Variants in GTF2I observed in about 807,000 individuals in gnomAD.
GTF2I encodes general transcription factor IIi, also known as general transcription factor II-I.
In GTF2I, 12 loss-of-function variants were observed where a neutral mutation model predicts 67.6. That is an observed-to-expected ratio of 0.18 (90% CI 0.11 to 0.29). The LOEUF (loss-of-function observed/expected upper bound fraction) is 0.29. Among genes scored for constraint, GTF2I ranks in the 10% least tolerant of loss-of-function variants. The probability of loss-of-function intolerance (pLI) is 1.00; values close to 1 mark genes in which losing one functional copy is unlikely to be tolerated. For missense variants in GTF2I, 271 were observed against 580.1 expected, an observed-to-expected ratio of 0.47 and a Z score of 5.47; for synonymous variants, 149 against 197.0, an observed-to-expected ratio of 0.76 and a Z score of 2.04.
Position 74,691,121 on chromosome 7 carries a change from G to A in GTF2I, c.238+10G>A, listed in dbSNP as rs1554396937. 6.4e-6 allele frequency: 10 copies of A among 1,558,934 alleles called. No individual in the cohort carries two copies. Among genetic ancestry groups the A allele is most frequent in the Non-Finnish European group, 7.9e-6 (9 of 1,136,310 alleles). The stretch of plus-strand genomic sequence containing the variant: ...GATTTTGTAAAATATTGTAAGCATT[G>A]TATTTTTATCTTTTGCATTTCATTA... On this transcript the variant is annotated intron_variant, in intron 3 of 34. Coordinates refer to ENST00000573035, the MANE Select transcript of GTF2I (RefSeq NM_032999.4).
intron 7 of GTF2I, among the ~76,000 whole-genome samples, chr7:74,706,102 T>A (rs782529728): frequency 6.6e-6 from 1 of 152,018 alleles, no homozygotes; most frequent in East Asian, 1.9e-4. Context: ...GTATTTTTAG[T>A]AGAGATGAGG....
intron 9 of GTF2I, among the ~76,000 whole-genome samples, chr7:74,711,705 G>C (rs1350456989): frequency 6.6e-6 from 1 of 152,144 alleles, no homozygotes; most frequent in African/African-American, 2.4e-5. Context: ...TCATGGGCCG[G>C]GGAGCAGTGT....
intron 12 of GTF2I, among the ~76,000 whole-genome samples, chr7:74,720,457 A>G (rs1247538567): frequency 6.6e-6 from 1 of 152,176 alleles, no homozygotes; most frequent in East Asian, 1.9e-4. Context: ...TTCATGTGTT[A>G]ACTTAATATA....
chr7:74,718,884 A>T lies in GTF2I; in HGVS notation c.886A>T (p.Thr296Ser), dbSNP rs1554404077. The change falls in exon 12 of 35, where the codon ACT becomes TCT. Residue 296 changes from threonine (T) to serine (S), a missense_variant. By Grantham distance (58) the Thr-to-Ser change is moderately conservative. Around this residue, in one of 9 missense-constraint regions of GTF2I, gnomAD observed 124 missense variants for 147.0 expected, o/e 0.84. Transcript: ENST00000573035. ...AGAATTTTATTTTTTTCAAGATTCT[A>T]CTCAACATGTCCCTTCAGAAACAAG... ...TEMEVPAEDS[T>S]QHVPSETSED... 1 of 1,527,508 alleles carries T rather than the reference A, an allele frequency of 6.5e-7. No individual in the cohort carries two copies. Among genetic ancestry groups the T allele is most frequent in the Non-Finnish European group, 9.0e-7 (1 of 1,116,338 alleles). 94.6% of individuals were successfully genotyped at this position (1,527,508 alleles called of 1,614,324 possible). A position where few individuals can be genotyped will look rare whatever the true frequency, so the allele number is the denominator to read the frequency against.
At position 74,686,900 on chromosome 7, in the gene GTF2I, T is replaced by G. The variant is rs587610333; in HGVS notation, c.-5-2224T>G. ...GTTTTGTTTGTTTTGTTTTTGTTTT[T>G]TTTTTTTGAGATAGAGTCTTGCTTT... On this transcript the variant is annotated intron_variant, in intron 1 of 34. Transcript: ENST00000573035. 2.6e-5 allele frequency among the ~76,000 whole-genome samples: 4 copies of G among 152,062 alleles called. 1 individual carries two copies. The highest frequency in any genetic ancestry group is 3.9e-4 in the East Asian group (2 of 5,178).
At chr7:74,716,693 AATTTTTTT>A (rs1554403688) in intron 10 of GTF2I, 193 bp from the exon 11 acceptor site, 1 of 486,272 alleles carries the variant, frequency 2.1e-6, no homozygotes, top group Non-Finnish European at 3.7e-6. Flanking sequence ...GTTTTCAAAT[AATTTTTTT>A]AGCTTCCAAA....
chr7:74,696,386 G>A (rs998585980), intron 3 of GTF2I, among the ~76,000 whole-genome samples: 12 of 151,788 alleles, frequency 7.9e-5, no homozygotes, highest in Non-Finnish European at 1.5e-4. Context: ...GAGTGCAGTG[G>A]TGCGATCTTG....
At chr7:74,707,424 C>T (rs1223416786) in intron 8 of GTF2I, among the ~76,000 whole-genome samples, 1 of 152,182 alleles carries the variant, frequency 6.6e-6, no homozygotes, top group Non-Finnish European at 1.5e-5. Flanking sequence ...TGCCATGCTT[C>T]CTGGGCAGCC....
chr7:74,667,836 C>CTTT (rs76958371), intron 1 of GTF2I, among the ~76,000 whole-genome samples: 1 of 138,758 alleles, frequency 7.2e-6, no homozygotes, highest in African/African-American at 2.6e-5. Flanking sequence ...CCAAAAGAAA[C>CTTT]TTTTTTTTTT....
chr7:74,698,029 C>T (rs587774241), intron 3 of GTF2I, among the ~76,000 whole-genome samples: 2 of 152,322 alleles, frequency 1.3e-5, no homozygotes, highest in Admixed American at 6.5e-5. Context: ...AATTTCCGCT[C>T]GCTGCAAGCT....
chr7:74,688,289 G>T (rs184438207), intron 1 of GTF2I, among the ~76,000 whole-genome samples: 1 of 152,212 alleles, frequency 6.6e-6, no homozygotes, highest in East Asian at 1.9e-4. Flanking sequence ...ATGTTGGCCA[G>T]GCTAATCTCG....
chr7:74,749,932 T>C (rs1795698838), intron 26 of GTF2I, among the ~76,000 whole-genome samples: 1 of 146,786 alleles, frequency 6.8e-6, no homozygotes, highest in Non-Finnish European at 1.5e-5. Context: ...ATTTTCCTTA[T>C]GCTGCTGGTA....
chr7:74,722,848 A>G (rs587695271), intron 12 of GTF2I: 5 of 152,316 alleles, frequency 3.3e-5, no homozygotes, highest in Middle Eastern at 3.4e-3. Context: ...ATAGCTGCCA[A>G]TCAGACACTT....
At chr7:74,730,755 G>A (rs1443657834) in intron 14 of GTF2I, among the ~76,000 whole-genome samples, 4 of 97,872 alleles carry the variant, frequency 4.1e-5, no homozygotes, top group Non-Finnish European at 7.2e-5. Context: ...CGGAGTCTCT[G>A]CATTGCAGTA....
In GTF2I at chr7:74,698,947, TA is replaced by T. The variant is rs781886172; in HGVS notation, c.239-13del. The T allele has an allele frequency of 9.8e-6, 12 of 1,229,168 alleles. No homozygotes were observed. Among genetic ancestry groups the T allele is most frequent in the Middle Eastern group, 2.5e-4 (1 of 4,046 alleles). The allele number at this position is 1,229,168 out of a possible 1,614,324, so 76.1% of individuals were successfully genotyped here. ...ATTATTATTTTTTTATTTTATTTTT[TA>T]TTTTTTTTACAGGTGTTGAAGAAGA... On this transcript the variant is annotated splice_polypyrimidine_tract_variant and intron_variant, in intron 3 of 34. Transcript: ENST00000573035.
At chr7:74,712,197 C>T (rs926541440) in intron 9 of GTF2I, among the ~76,000 whole-genome samples, 15 of 152,150 alleles carry the variant, frequency 9.9e-5, no homozygotes, top group East Asian at 5.8e-4. Flanking sequence ...GTGATCCACC[C>T]GCCTTGGCCT....
chr7:74,694,902 G>A (rs1186266521), intron 3 of GTF2I, among the ~76,000 whole-genome samples: 3 of 152,146 alleles, frequency 2.0e-5, no homozygotes, highest in Non-Finnish European at 4.4e-5. Flanking sequence ...AAAATCCTGG[G>A]GTCCTGAAGA....
rs1488565438 is a variant in GTF2I, at chr7:74,678,882, CTGCGTCAGCCTCCT to C, written c.-5-10241_-5-10228del. Among the ~76,000 whole-genome samples the C allele has an allele frequency of 5.3e-5, 8 of 151,704 alleles. No homozygotes were observed. In the East Asian group the frequency reaches 1.4e-3, roughly 26 times the overall value. On this transcript the variant is annotated intron_variant, in intron 1 of 34. Coordinates refer to ENST00000573035, the MANE Select transcript of GTF2I (RefSeq NM_032999.4). Reference sequence around the variant, plus strand: ...CGCCTCCCGGGTTCAAGCAATTCTCCTGCGTCAGCCTCCTGAGTAGCTGGGAATCCAGGTGTGCG... The same window carrying C: ...CGCCTCCCGGGTTCAAGCAATTCTCCGAGTAGCTGGGAATCCAGGTGTGCG...
At chr7:74,731,083 A>G (rs1313319493) in intron 14 of GTF2I, among the ~76,000 whole-genome samples, 3 of 151,446 alleles carry the variant, frequency 2.0e-5, no homozygotes, top group African/African-American at 7.3e-5. Context: ...ATTCTGTCCT[A>G]TAGCCACCTT....
Sources: gnomAD v4.1 joint callset for allele counts (sites outside exome capture counted in the v4.1 genomes callset) on GRCh38, gnomAD v4.1.1 for gene constraint, gnomAD v4.1.1 regional missense constraint, MANE v1.5 for transcripts, NCBI Gene and HGNC (gene_info 2026-07-23, HGNC 2026-07-21) for gene names.